The following MYH9 variants were observed in gnomAD, a reference collection of about 807,000 sequenced individuals.
MYH9 encodes myosin heavy chain 9, also known as myosin-9.
MYH9 carries 29 observed loss-of-function variants against 241.9 expected under a neutral mutation model. That is an observed-to-expected ratio of 0.12 (90% CI 0.09 to 0.16). MYH9 has a LOEUF of 0.16. Ranked by LOEUF, MYH9 falls within the 10% of genes least tolerant of loss-of-function variation. MYH9 has a pLI of 1.00. For missense variants in MYH9, 1,803 were observed against 2,595.5 expected (o/e 0.69, Z 6.63); for synonymous variants, 1,047 against 1,062.6 (o/e 0.99, Z 0.29).
At chr22:36,299,555 C>A (rs2016841639) in intron 23 of MYH9, among the ~76,000 whole-genome samples, 1 of 152,214 alleles carries the variant, frequency 6.6e-6, no homozygotes, top group Admixed American at 6.5e-5. Context: ...TGAGTCCCCT[C>A]ATCCCAGTCC....
intron 1 of MYH9, among the ~76,000 whole-genome samples, chr22:36,377,953 G>A (rs2018197256): frequency 6.6e-6 from 1 of 151,838 alleles, no homozygotes; most frequent in South Asian, 2.1e-4. Flanking sequence ...CCTACCACCT[G>A]AGGAGAGATG....
At chr22:36,322,176 C>T (rs569857438) in intron 6 of MYH9, among the ~76,000 whole-genome samples, 11 of 152,364 alleles carry the variant, frequency 7.2e-5, no homozygotes, top group African/African-American at 2.2e-4. Flanking sequence ...CAGCAGGCAG[C>T]GCCCTCACTG....
intron 24 of MYH9, among the ~76,000 whole-genome samples, chr22:36,297,651 G>A (rs567594108): frequency 2.6e-4 from 39 of 152,208 alleles, no homozygotes; most frequent in Non-Finnish European, 4.1e-4. Flanking sequence ...GAATAGATGT[G>A]TAAGGACATT....
At chr22:36,373,347 C>T (rs1327831470) in intron 1 of MYH9, among the ~76,000 whole-genome samples, 1 of 152,098 alleles carries the variant, frequency 6.6e-6, no homozygotes, top group Non-Finnish European at 1.5e-5. Context: ...TGTCATGGTC[C>T]CTTGGAGACT....
chr22:36,377,522 TGCCGGG>T lies in MYH9; in HGVS notation c.-20+10279_-20+10284del, dbSNP rs1015673456. 8.9e-4 allele frequency among the ~76,000 whole-genome samples: 136 copies of T among 152,304 alleles called. 3 individuals carry two copies. Among genetic ancestry groups the T allele is most frequent in the Non-Finnish European group, 2.9e-4 (20 of 68,016 alleles). ...CAGGCATCAGAAACCTCAGCATCAATGCCGGGGGCGAGTTCCAGCAGGTTCCTCAGT... is the reference window on the plus strand; with the variant it reads ...CAGGCATCAGAAACCTCAGCATCAATGGCGAGTTCCAGCAGGTTCCTCAGT... On this transcript the variant is annotated intron_variant, in intron 1 of 40. Transcript: ENST00000216181.
chr22:36,295,495 C>G lies in MYH9; in HGVS notation c.3485+10G>C, dbSNP rs759575657. 5 of 1,611,496 alleles carry G rather than the reference C, an allele frequency of 3.1e-6. No individual in the cohort carries two copies. The South Asian group carries it at 5.5e-5, about 18-fold the overall frequency. On this transcript the variant is annotated intron_variant, in intron 26 of 40. Coordinates refer to ENST00000216181, the MANE Select transcript of MYH9 (RefSeq NM_002473.6). This position sits in a 1 kb window ranked among gnomAD's most constrained non-coding sequence, Gnocchi z 4.1. The stretch of plus-strand genomic sequence containing the variant: ...CTCCCCATCCCGAGGGACTTGGTCC[C>G]AGGGCACACCTGAGCTCCTGCTGGG...
chr22:36,300,832 G>A lies in MYH9; in HGVS notation c.2838+19C>T, dbSNP rs199611979. ...TGCCCCTCCGGCGCCACCCCTCCCC[G>A]GGTGCAGCGGGCAGGAACCTGGATG... On this transcript the variant is annotated intron_variant, in intron 22 of 40. Coordinates refer to ENST00000216181, the MANE Select transcript of MYH9 (RefSeq NM_002473.6). This position sits in a 1 kb window ranked among gnomAD's most constrained non-coding sequence, Gnocchi z 5.0. 3.9e-4 allele frequency: 620 copies of A among 1,599,424 alleles called. 8 individuals carry two copies. The South Asian group carries it at 6.0e-3, about 15-fold the overall frequency.
rs750071451 is a variant in MYH9 at position 36,282,655 on chromosome 22, C to T, written c.*13G>A. The T allele has an allele frequency of 9.9e-6, 16 of 1,611,688 alleles. No individual in the cohort carries two copies. Among genetic ancestry groups the T allele is most frequent in the Admixed American group, 3.3e-5 (2 of 60,012 alleles). On this transcript the variant is annotated 3_prime_UTR_variant, in exon 41 of 41. Transcript: ENST00000216181. ...CTGTCTGTCCATCCATCTCAGGCTG[C>T]AGGAGAAGAGGCTTATTCGGCAGGT...
intron 5 of MYH9, among the ~76,000 whole-genome samples, chr22:36,325,813 C>T (rs949248770): frequency 1.3e-5 from 2 of 152,196 alleles, no homozygotes; most frequent in African/African-American, 4.8e-5. Context: ...CAGGAGCTGT[C>T]ATTTCAGAGT....
chr22:36,333,867 C>T (rs1194589687), intron 3 of MYH9, among the ~76,000 whole-genome samples: 2 of 152,118 alleles, frequency 1.3e-5, no homozygotes, highest in East Asian at 1.9e-4. Context: ...CAAGAGAACT[C>T]GTCACGGGAG....
intron 14 of MYH9, among the ~76,000 whole-genome samples, chr22:36,309,964 T>C (rs1054364335): frequency 2.0e-5 from 3 of 152,106 alleles, no homozygotes; most frequent in Non-Finnish European, 2.9e-5. Flanking sequence ...TAAATAGAGA[T>C]AGGGGCTGGG....
chr22:36,368,124 T>C (rs2018038675), intron 1 of MYH9, among the ~76,000 whole-genome samples: 1 of 152,190 alleles, frequency 6.6e-6, no homozygotes, highest in African/African-American at 2.4e-5. Context: ...ATCCGGCAAA[T>C]TATTTAAATG....
chr22:36,293,222 G>A lies in MYH9; in HGVS notation c.4095+107C>T. The stretch of plus-strand genomic sequence containing the variant: ...CGGTTGGCTTCCCAGGGGGAGAGCA[G>A]CAATGGGCCGGCCCAGCGGGCAGGG... On this transcript the variant is annotated intron_variant, in intron 30 of 40. Transcript: ENST00000216181. This position sits in a 1 kb window ranked among gnomAD's most constrained non-coding sequence, Gnocchi z 5.1. 1 of 1,456,958 alleles carries A rather than the reference G, an allele frequency of 6.9e-7. No homozygotes were observed. The highest frequency in any genetic ancestry group is 9.4e-7 in the Non-Finnish European group (1 of 1,058,396). 90.3% of individuals were successfully genotyped at this position (1,456,958 alleles called of 1,614,324 possible). A position where few individuals can be genotyped will look rare whatever the true frequency, so the allele number is the denominator to read the frequency against.
chr22:36,286,657 C>G (rs1332173300), intron 35 of MYH9, 61 bp downstream of exon 35: 2 of 1,604,226 alleles, frequency 1.2e-6, no homozygotes, highest in African/African-American at 2.7e-5. Flanking sequence ...GCTGAAAGCC[C>G]CACGCTGCCA....
intron 23 of MYH9, 142 bp from the exon 24 acceptor site, chr22:36,299,184 G>C: frequency 1.6e-6 from 2 of 1,237,428 alleles, no homozygotes; most frequent in Non-Finnish European, 2.3e-6. Flanking sequence ...GATTTTCCTA[G>C]ATCAAAGGAT....
chr22:36,347,655 A>G (rs1230404379), intron 2 of MYH9, among the ~76,000 whole-genome samples: 1 of 151,970 alleles, frequency 6.6e-6, no homozygotes, highest in Non-Finnish European at 1.5e-5. Context: ...GGATCGCTTG[A>G]GCCTAAGAGT....
intron 1 of MYH9, among the ~76,000 whole-genome samples, chr22:36,370,567 C>G (rs1231740103): frequency 6.6e-6 from 1 of 152,210 alleles, no homozygotes; most frequent in African/African-American, 2.4e-5. Context: ...CCGCAGCCAT[C>G]CAACACTCGG....
In MYH9 at chr22:36,300,315, A is replaced by G; in HGVS notation, c.2839-51T>C. 1 of 1,607,508 alleles carries G rather than the reference A, an allele frequency of 6.2e-7. No individual in the cohort carries two copies. The highest frequency in any genetic ancestry group is 8.5e-7 in the Non-Finnish European group (1 of 1,179,792). On this transcript the variant is annotated intron_variant, in intron 22 of 40. Transcript: ENST00000216181. The surrounding 1 kb of genome is among the most constrained non-coding windows in gnomAD (Gnocchi z 5.0). ...GGACAGCAGGCCCAGAGGCATGGCC[A>G]AGGTGAAGGCAGCAAGGTCCGAAGG...
chr22:36,321,090 T>G (rs369001962), intron 7 of MYH9, among the ~76,000 whole-genome samples, 194 bp from the exon 8 acceptor site: 3 of 151,984 alleles, frequency 2.0e-5, no homozygotes, highest in African/African-American at 7.2e-5. Context: ...GTAGCTGGGA[T>G]TACAGGCGCC....
Sources: gnomAD v4.1 joint callset for allele counts (sites outside exome capture counted in the v4.1 genomes callset) on GRCh38, gnomAD v4.1.1 for gene constraint, Gnocchi (gnomAD v3.1) non-coding constraint, MANE v1.5 for transcripts, NCBI Gene and HGNC (gene_info 2026-07-23, HGNC 2026-07-21) for gene names.